IQCM: variants seen among roughly 807,000 people sequenced by gnomAD.
The protein encoded by IQCM is IQ motif containing M, also known as IQ domain-containing protein M.
Under a neutral mutation model 57.6 loss-of-function variants are expected in IQCM, and 45 were observed. That is an observed-to-expected ratio of 0.78 (90% CI 0.62 to 1.00). The LOEUF (loss-of-function observed/expected upper bound fraction) is 1.00, where lower values mean the gene tolerates loss of function less well. Among genes scored for constraint, IQCM ranks in the 50% least tolerant of loss-of-function variants. The pLI is 0.00. For synonymous variants in IQCM, 148 were observed against 158.9 expected, an observed-to-expected ratio of 0.93 and a Z score of 0.51; for missense variants, 468 against 511.6, an observed-to-expected ratio of 0.91 and a Z score of 0.82.
chr4:149,587,755 T>C (rs1407033183), intron 9 of IQCM, among the ~76,000 whole-genome samples, 175 bp downstream of exon 9: 2 of 151,838 alleles, frequency 1.3e-5, no homozygotes, highest in African/African-American at 2.4e-5. Context: ...CAAAAAACTG[T>C]ATTTTTCTCC....
At chr4:149,750,338 G>A (rs1451534524) in intron 2 of IQCM, among the ~76,000 whole-genome samples, 6 of 152,120 alleles carry the variant, frequency 3.9e-5, no homozygotes, top group Non-Finnish European at 7.3e-5. Flanking sequence ...CTCATATGCC[G>A]AGAGAAAGGC....
chr4:149,679,041 T>G (rs2150197135), intron 7 of IQCM, among the ~76,000 whole-genome samples: 1 of 151,814 alleles, frequency 6.6e-6, no homozygotes, highest in East Asian at 1.9e-4. Flanking sequence ...TATATATCTT[T>G]TAAAAAGGAA....
chr4:149,625,632 G>A (rs1756725505), intron 7 of IQCM, among the ~76,000 whole-genome samples: 1 of 152,284 alleles, frequency 6.6e-6, no homozygotes, highest in Admixed American at 6.5e-5. Context: ...CAGATATGGG[G>A]CAGGACATTT....
intron 12 of IQCM, among the ~76,000 whole-genome samples, chr4:149,522,233 AG>A (rs1161081534): frequency 1.3e-5 from 2 of 152,204 alleles, no homozygotes; most frequent in African/African-American, 2.4e-5. Context: ...AGGGCAGGAC[AG>A]CTGCTCACCC....
chr4:149,740,733 T>C (rs140871844), intron 3 of IQCM, among the ~76,000 whole-genome samples: 1 of 152,134 alleles, frequency 6.6e-6, no homozygotes, highest in Admixed American at 6.6e-5. Flanking sequence ...TTCCTAAGTT[T>C]TATTTTGCAG....
At chr4:149,591,574 G>A (rs1377344509) in intron 8 of IQCM, among the ~76,000 whole-genome samples, 1 of 151,736 alleles carries the variant, frequency 6.6e-6, no homozygotes, top group South Asian at 2.1e-4. Context: ...TTAGCATTAG[G>A]TATATCTCCT....
intron 13 of IQCM, among the ~76,000 whole-genome samples, chr4:149,424,417 CAT>C (rs143877899): frequency 0.22 from 32,783 of 151,366 alleles, 4,429 homozygotes; most frequent in Non-Finnish European, 0.29. Flanking sequence ...TATGGCATAA[CAT>C]ATGGAATTTC....
At chr4:149,721,212 T>C (rs563239099) in intron 5 of IQCM, among the ~76,000 whole-genome samples, 263 of 152,280 alleles carry the variant, frequency 1.7e-3, no homozygotes, top group African/African-American at 5.2e-3. Context: ...TCATAAGTAA[T>C]CTCAATATGA....
chr4:149,481,701 G>GTTTTGTTTTTTTTTT (rs1740817619), intron 12 of IQCM, among the ~76,000 whole-genome samples: 2 of 51,580 alleles, frequency 3.9e-5, no homozygotes, highest in African/African-American at 1.5e-4. Context: ...TTCCAGTTTT[G>GTTTTGTTTTTTTTTT]TTTTTTTTTT....
intron 12 of IQCM, among the ~76,000 whole-genome samples, chr4:149,481,701 G>GTTTTGTTT (rs1740817619): frequency 3.9e-5 from 2 of 51,550 alleles, no homozygotes; most frequent in African/African-American, 1.5e-4. Context: ...TTCCAGTTTT[G>GTTTTGTTT]TTTTTTTTTT....
intron 2 of IQCM, chr4:149,780,266 T>C (rs1192551820): frequency 6.6e-6 from 1 of 152,112 alleles, no homozygotes; most frequent in Non-Finnish European, 1.5e-5. Context: ...CTTTTGCACA[T>C]TTGACCCTGG....
At chr4:149,721,090 G>A (rs1475847593) in intron 5 of IQCM, among the ~76,000 whole-genome samples, 1 of 152,054 alleles carries the variant, frequency 6.6e-6, no homozygotes, top group African/African-American at 2.4e-5. Context: ...AGCATCTACT[G>A]ATTCAACTAA....
At chr4:149,592,708 T>C (rs1328329438) in intron 8 of IQCM, among the ~76,000 whole-genome samples, 1 of 151,998 alleles carries the variant, frequency 6.6e-6, no homozygotes, top group African/African-American at 2.4e-5. Flanking sequence ...ATTTATTAAA[T>C]AGGGAATCCT....
intron 12 of IQCM, among the ~76,000 whole-genome samples, chr4:149,527,891 C>T (rs138302073): frequency 1.6e-4 from 24 of 152,142 alleles, no homozygotes; most frequent in Admixed American, 8.5e-4. Flanking sequence ...CATCAGCAAT[C>T]GACTCAAGAA....
At position 149,687,394 on chromosome 4, in the gene IQCM, GA is replaced by G. The variant is rs1023176687; in HGVS notation, c.386-927del. 2.4e-4 allele frequency among the ~76,000 whole-genome samples: 34 copies of G among 143,840 alleles called. 1 individual carries two copies. The highest frequency in any genetic ancestry group is 1.5e-3 in the Admixed American group (22 of 14,518). 94.4% of individuals were successfully genotyped at this position (143,840 alleles called of 152,430 possible). On this transcript the variant is annotated intron_variant, in intron 5 of 13. Transcript: ENST00000636793. ...ACCAACCACAGATTGACAATATTCA[GA>G]AAAAAAAAATTTAAAAATACAATAC...
At chr4:149,592,233 G>T (rs1265036247) in intron 8 of IQCM, among the ~76,000 whole-genome samples, 2 of 152,028 alleles carry the variant, frequency 1.3e-5, no homozygotes, top group African/African-American at 4.8e-5. Context: ...TCATATACCT[G>T]TTGGCTGCAT....
In IQCM at chr4:149,740,823, A is replaced by G. The variant is rs144737631; in HGVS notation, c.37+1832T>C. ...TCTGAATAACAGTGCCTCTGTGGAA[A>G]GAACCTGCTTGTAAACAGGTTCAGA... On this transcript the variant is annotated intron_variant, in intron 3 of 13. Coordinates refer to ENST00000636793, the MANE Select transcript of IQCM (RefSeq NM_001363507.2). Among the ~76,000 whole-genome samples, 409 of 152,290 alleles carry G rather than the reference A, an allele frequency of 2.7e-3. 4 individuals are homozygous for G. The highest frequency in any genetic ancestry group is 9.2e-3 in the African/African-American group (383 of 41,572).
At chr4:149,526,288 G>A (rs1186871932) in intron 12 of IQCM, among the ~76,000 whole-genome samples, 1 of 151,744 alleles carries the variant, frequency 6.6e-6, no homozygotes, top group South Asian at 2.1e-4. Flanking sequence ...AATAGAATGG[G>A]GTATATTTAT....
chr4:149,429,893 G>A, intron 13 of IQCM: 1 of 829,936 alleles, frequency 1.2e-6, no homozygotes, highest in Non-Finnish European at 1.6e-6. Flanking sequence ...AAGCTTGGAA[G>A]ACAGAGTTTG....
Sources: allele counts gnomAD v4.1 joint callset (sites outside exome capture counted in the v4.1 genomes callset), GRCh38; gene constraint gnomAD v4.1.1; transcripts MANE v1.5; gene names NCBI Gene and HGNC (gene_info 2026-07-23, HGNC 2026-07-21).